PSEN1: variants seen among roughly 807,000 people sequenced by gnomAD.
The protein encoded by PSEN1 is presenilin 1.
Under a neutral mutation model 53.5 loss-of-function variants are expected in PSEN1, and 15 were observed. That is an observed-to-expected ratio of 0.28 (90% CI 0.19 to 0.43). The LOEUF is 0.43. Among genes scored for constraint, PSEN1 ranks in the 20% least tolerant of loss-of-function variants. The pLI is 1.00. For synonymous variants in PSEN1, 208 were observed against 209.8 expected (o/e 0.99, Z 0.08); for missense variants, 387 against 571.2 (o/e 0.68, Z 3.29).
chr14:73,159,666 T>G (rs1270506655), intron 3 of PSEN1, among the ~76,000 whole-genome samples: 1 of 152,230 alleles, frequency 6.6e-6, no homozygotes, highest in Non-Finnish European at 1.5e-5. Context: ...CCATCAGTCA[T>G]GGGTCAAAGG....
Position 73,217,143 on chromosome 14 carries a change from T to C in PSEN1, c.1147T>C (p.Leu383=), listed in dbSNP as rs571236187. Residue 383 remains leucine, a synonymous_variant, in exon 11 of 12, where the codon TTG becomes CTG. Coordinates refer to ENST00000324501, the MANE Select transcript of PSEN1 (RefSeq NM_000021.4). ...DPEERGVKLG[L]GDFIFYSVLV... ...CTTTTTAGGGGGAGTAAAACTTGGA[T>C]TGGGAGATTTCATTTTCTACAGTGT... 6.2e-7 allele frequency: 1 copy of C among 1,614,072 alleles called. No homozygotes were observed. The highest frequency in any genetic ancestry group is 1.7e-5 in the Admixed American group (1 of 60,028).
chr14:73,205,367 T>C (rs1297342815), intron 8 of PSEN1, among the ~76,000 whole-genome samples: 1 of 150,480 alleles, frequency 6.6e-6, no homozygotes, highest in African/African-American at 2.5e-5. Flanking sequence ...TAGTCCCAGC[T>C]ACTCGGGAGG....
chr14:73,136,722 G>C (rs906823527), intron 1 of PSEN1, 139 bp downstream of exon 1: 2 of 152,456 alleles, frequency 1.3e-5, no homozygotes, highest in Non-Finnish European at 2.9e-5. Context: ...GCCGGTTGGG[G>C]CTGGGGAACC....
At chr14:73,212,094 T>TTTTTTTTTTTC (rs1899720876) in intron 10 of PSEN1, 152 bp downstream of exon 10, 1 of 137,790 alleles carries the variant, frequency 7.3e-6, no homozygotes, top group African/African-American at 2.0e-4. Flanking sequence ...AGTGCTTTTT[T>TTTTTTTTTTTC]TTTTTTTTTT....
At chr14:73,141,750 A>G (rs979872705) in intron 1 of PSEN1, among the ~76,000 whole-genome samples, 4 of 152,020 alleles carry the variant, frequency 2.6e-5, no homozygotes, top group African/African-American at 9.7e-5. Flanking sequence ...GTGGCATTGC[A>G]TTCCAGCCTG....
At chr14:73,159,179 A>ATT (rs35615325) in intron 3 of PSEN1, among the ~76,000 whole-genome samples, 5 of 142,816 alleles carry the variant, frequency 3.5e-5, no homozygotes, top group Non-Finnish European at 3.1e-5. Context: ...TGAAGGGCAG[A>ATT]TTTTTTTTTT....
At chr14:73,173,777 A>G (rs1313165911) in intron 5 of PSEN1, 70 bp downstream of exon 5, 2 of 1,520,928 alleles carry the variant, frequency 1.3e-6, no homozygotes, top group African/African-American at 2.7e-5. Flanking sequence ...TGTCACAGTA[A>G]CTTAACTGAT....
At chr14:73,172,694 A>C (rs964272630) in intron 4 of PSEN1, among the ~76,000 whole-genome samples, 1 of 152,212 alleles carries the variant, frequency 6.6e-6, no homozygotes, top group African/African-American at 2.4e-5. Context: ...TGACTTTGTT[A>C]ATAGAAAATC....
intron 5 of PSEN1, among the ~76,000 whole-genome samples, chr14:73,186,235 C>T (rs146172047): frequency 6.6e-6 from 1 of 152,026 alleles, no homozygotes; most frequent in South Asian, 2.1e-4. Context: ...CAGAATTAGC[C>T]AGGTGTGGTG....
chr14:73,206,294 C>G (rs1394198920), intron 8 of PSEN1, 92 bp from the exon 9 acceptor site: 1 of 875,032 alleles, frequency 1.1e-6, no homozygotes, highest in African/African-American at 1.7e-5. Flanking sequence ...ATTAGGAAGA[C>G]TGGCGATTTG....
chr14:73,209,875 T>A (rs898890410), intron 9 of PSEN1, among the ~76,000 whole-genome samples: 1 of 152,154 alleles, frequency 6.6e-6, no homozygotes, highest in Non-Finnish European at 1.5e-5. Context: ...TGCTGGTATT[T>A]TGGGGGGCAC....
At chr14:73,201,657 C>T (rs1451126496) in intron 8 of PSEN1, among the ~76,000 whole-genome samples, 8 of 152,160 alleles carry the variant, frequency 5.3e-5, no homozygotes, top group Non-Finnish European at 7.3e-5. Context: ...ATCAAAGATT[C>T]CTGTCTCACA....
At chr14:73,153,313 A>G (rs77244626) in intron 3 of PSEN1, among the ~76,000 whole-genome samples, 3,465 of 152,326 alleles carry the variant, frequency 0.023, 136 homozygotes, top group African/African-American at 0.076. Flanking sequence ...AGGCACAAAT[A>G]TTAATAATAT....
chr14:73,222,155 A>G lies in PSEN1; in HGVS notation c.*2866A>G, dbSNP rs1213560857. The stretch of plus-strand genomic sequence containing the variant: ...GGTTCGTGTGTGTTCCTAGAATCAC[A>G]GCTCTGACTCCAAATGACTCAATTT... On this transcript the variant is annotated 3_prime_UTR_variant, in exon 12 of 12. Transcript: ENST00000324501. The G allele has an allele frequency of 1.3e-5, 2 of 152,314 alleles. No homozygotes were observed. The highest frequency in any genetic ancestry group is 2.9e-5 in the Non-Finnish European group (2 of 68,024). 9.4% of individuals were successfully genotyped at this position (152,314 alleles called of 1,614,324 possible).
intron 6 of PSEN1, among the ~76,000 whole-genome samples, 195 bp downstream of exon 6, chr14:73,187,115 A>G (rs1382991235): frequency 2.0e-5 from 3 of 152,256 alleles, no homozygotes; most frequent in Non-Finnish European, 4.4e-5. Flanking sequence ...CTTGCTTATA[A>G]TAAGTAGAAC....
chr14:73,215,731 A>G (rs1899886719), intron 10 of PSEN1, among the ~76,000 whole-genome samples: 1 of 152,204 alleles, frequency 6.6e-6, no homozygotes, highest in African/African-American at 2.4e-5. Context: ...ATAATGGCTA[A>G]AAAGCACATG....
chr14:73,220,946 C>T lies in PSEN1; in HGVS notation c.*1657C>T, dbSNP rs949988293. The T allele has an allele frequency of 1.3e-5, 2 of 152,256 alleles. No homozygotes were observed. Among genetic ancestry groups the T allele is most frequent in the Non-Finnish European group, 2.9e-5 (2 of 68,120 alleles). The allele number at this position is 152,256 out of a possible 1,614,324, so 9.4% of individuals were successfully genotyped here. A position where few individuals can be genotyped will look rare whatever the true frequency, so the allele number is the denominator to read the frequency against. ...GCGTTTATGAGAAACTTAGTTTCCT[C>T]CTGTGGCTGAGGAGGGGCCAGCTTT... On this transcript the variant is annotated 3_prime_UTR_variant, in exon 12 of 12. Coordinates refer to ENST00000324501, the MANE Select transcript of PSEN1 (RefSeq NM_000021.4).
intron 8 of PSEN1, among the ~76,000 whole-genome samples, chr14:73,200,541 C>A (rs944558542): frequency 2.6e-4 from 39 of 152,154 alleles, no homozygotes; most frequent in Non-Finnish European, 5.3e-4. Flanking sequence ...CAGGTGTGAG[C>A]CACTGCTCCC....
At chr14:73,206,249 T>C (rs1282626652) in intron 8 of PSEN1, 137 bp from the exon 9 acceptor site, 2 of 703,406 alleles carry the variant, frequency 2.8e-6, no homozygotes, top group African/African-American at 3.6e-5. Flanking sequence ...TTTTTTTTAT[T>C]TTTACTTCTG....
Sources: allele counts gnomAD v4.1 joint callset (sites outside exome capture counted in the v4.1 genomes callset), GRCh38; gene constraint gnomAD v4.1.1; transcripts MANE v1.5; gene names NCBI Gene and HGNC (gene_info 2026-07-23, HGNC 2026-07-21).